NALCN: variants seen among roughly 807,000 people sequenced by gnomAD.
The protein encoded by NALCN is sodium leak channel NALCN.
In NALCN, 111 loss-of-function variants were observed where a neutral mutation model predicts 225.3. The ratio of observed to expected loss-of-function variants is 0.49; its 90% CI spans 0.42 to 0.58. The LOEUF (loss-of-function observed/expected upper bound fraction) is 0.58. NALCN is among the 20% of genes least tolerant of loss of function. The pLI is 0.00. For synonymous variants in NALCN, 764 were observed against 769.0 expected (o/e 0.99, Z 0.11); for missense variants, 1,378 against 2,202.4 (o/e 0.63, Z 7.49).
chr13:101,410,452 A>C lies in NALCN; in HGVS notation c.-40+5861T>G, dbSNP rs529718292. ...TCTGAGACAAAAATTTTGATTTATA[A>C]TTGTATGTATATACAGTATATTCTA... On this transcript the variant is annotated intron_variant, in intron 1 of 43. Transcript: ENST00000251127. Among the ~76,000 whole-genome samples, 50 of 152,264 alleles carry C rather than the reference A, an allele frequency of 3.3e-4. 1 individual carries two copies. Among genetic ancestry groups the C allele is most frequent in the Non-Finnish European group, 2.9e-5 (2 of 67,962 alleles).
intron 13 of NALCN, among the ~76,000 whole-genome samples, chr13:101,223,815 G>T (rs1401019521): frequency 6.6e-6 from 1 of 152,032 alleles, no homozygotes; most frequent in Non-Finnish European, 1.5e-5. Context: ...CCACCTCAGG[G>T]TCAAGCCCCA....
Position 101,410,154 on chromosome 13 carries a change from G to C in NALCN, c.-40+6159C>G, listed in dbSNP as rs1043050958. On this transcript the variant is annotated intron_variant, in intron 1 of 43. Transcript: ENST00000251127. ...CTAGTCTGTGCTATTTGTTACAGCA[G>C]CCCAAGCTAACTAAGACACTCAAGC... 5.3e-5 allele frequency among the ~76,000 whole-genome samples: 8 copies of C among 152,200 alleles called. No homozygotes were observed. In the East Asian group the frequency reaches 1.3e-3, roughly 26 times the overall value.
chr13:101,290,675 C>T (rs557635449), intron 9 of NALCN, among the ~76,000 whole-genome samples: 17 of 152,160 alleles, frequency 1.1e-4, no homozygotes, highest in Non-Finnish European at 2.1e-4. Flanking sequence ...TGCCTCAACA[C>T]CACCAGGCTT....
intron 33 of NALCN, among the ~76,000 whole-genome samples, chr13:101,081,909 G>A (rs755113658): frequency 1.8e-4 from 27 of 152,066 alleles, no homozygotes; most frequent in Non-Finnish European, 2.5e-4. Context: ...ACTGAGTCTC[G>A]CTCTGTCACC....
rs1007293034 is a variant in NALCN at position 101,054,796 on chromosome 13, A to G, written c.*499T>C. 2 of 152,316 alleles carry G rather than the reference A, an allele frequency of 1.3e-5. No individual in the cohort carries two copies. Among genetic ancestry groups the G allele is most frequent in the African/African-American group, 4.8e-5 (2 of 41,370 alleles). 9.4% of individuals were successfully genotyped at this position (152,316 alleles called of 1,614,324 possible). ...AGAATCTGTAGTTTGTAAAACTACT[A>G]TCATTTTAGCATAAGTTCAGTGCTG... is the stretch of plus-strand genomic sequence containing the variant. On this transcript the variant is annotated 3_prime_UTR_variant, in exon 44 of 44. Transcript: ENST00000251127.
chr13:101,161,889 AAAACAAATGGTAAAT>A (rs1272920429), intron 15 of NALCN, among the ~76,000 whole-genome samples: 1 of 151,990 alleles, frequency 6.6e-6, no homozygotes, highest in Non-Finnish European at 1.5e-5. Flanking sequence ...AAACAAACAA[AAAACAAATGGTAAAT>A]GACCTTACCG....
At chr13:101,245,714 AC>A (rs776781595) in intron 11 of NALCN, among the ~76,000 whole-genome samples, 106 of 136,970 alleles carry the variant, frequency 7.7e-4, no homozygotes, top group Non-Finnish European at 1.6e-3. Flanking sequence ...TCCATTTCAC[AC>A]TGACTTCTTA....
At chr13:101,322,691 A>T (rs1293688088) in intron 7 of NALCN, among the ~76,000 whole-genome samples, 1 of 152,092 alleles carries the variant, frequency 6.6e-6, no homozygotes, top group Admixed American at 6.6e-5. Flanking sequence ...AATTTAATTT[A>T]AAAATCTCTA....
intron 37 of NALCN, among the ~76,000 whole-genome samples, chr13:101,072,461 T>C (rs625331): frequency 0.27 from 40,951 of 152,170 alleles, 8,487 homozygotes; most frequent in African/African-American, 0.58. Flanking sequence ...CTCTATAAAA[T>C]GCCGACACCT....
chr13:101,372,465 A>G (rs2065988), intron 6 of NALCN, among the ~76,000 whole-genome samples: 261 of 152,270 alleles, frequency 1.7e-3, no homozygotes, highest in African/African-American at 6.0e-3. Context: ...AATGATTCCT[A>G]ATGAATTTCA....
chr13:101,151,102 T>C (rs1472921602), intron 15 of NALCN, among the ~76,000 whole-genome samples: 1 of 152,204 alleles, frequency 6.6e-6, no homozygotes, highest in East Asian at 1.9e-4. Context: ...GCTTTAAAAC[T>C]AGAAGTCGTC....
chr13:101,101,292 T>TTC (rs2034807140), intron 26 of NALCN, among the ~76,000 whole-genome samples: 2 of 144,104 alleles, frequency 1.4e-5, no homozygotes, highest in African/African-American at 5.1e-5. Flanking sequence ...TTTTTTTTTT[T>TTC]TTTTTTGAGA....
At chr13:101,344,920 T>A (rs1191661986) in intron 7 of NALCN, among the ~76,000 whole-genome samples, 1 of 152,200 alleles carries the variant, frequency 6.6e-6, no homozygotes, top group Non-Finnish European at 1.5e-5. Context: ...TAGTTACATA[T>A]GAAAGGAAAC....
intron 2 of NALCN, among the ~76,000 whole-genome samples, chr13:101,396,807 G>A (rs1333406066): frequency 1.3e-5 from 2 of 151,858 alleles, no homozygotes; most frequent in Admixed American, 1.3e-4. Flanking sequence ...TAATTTTAAT[G>A]AAGAATTATT....
At chr13:101,163,546 G>A (rs1297006456) in intron 15 of NALCN, among the ~76,000 whole-genome samples, 1 of 152,060 alleles carries the variant, frequency 6.6e-6, no homozygotes, top group Non-Finnish European at 1.5e-5. Context: ...ACTATGATGG[G>A]GTTTGATTCC....
At chr13:101,186,405 G>A (rs1219318311) in intron 14 of NALCN, among the ~76,000 whole-genome samples, 2 of 152,148 alleles carry the variant, frequency 1.3e-5, no homozygotes, top group Non-Finnish European at 2.9e-5. Context: ...TGGTAGTAGA[G>A]GTTCAGTAAA....
chr13:101,328,540 C>T (rs493787), intron 7 of NALCN, among the ~76,000 whole-genome samples: 152,054 of 152,292 alleles, frequency 1, 75,909 homozygotes, highest in East Asian at 1. Context: ...TAAAAGGAGG[C>T]AATCTAAATC....
At chr13:101,218,300 C>T (rs2040815703) in intron 13 of NALCN, among the ~76,000 whole-genome samples, 1 of 152,066 alleles carries the variant, frequency 6.6e-6, no homozygotes, top group Non-Finnish European at 1.5e-5. Context: ...AAAAAAGCTC[C>T]ACAAACCTGG....
chr13:101,089,705 G>C lies in NALCN; in HGVS notation c.3447C>G (p.Thr1149=). Residue 1149 remains threonine (T), a synonymous_variant, in exon 30 of 44, where the codon ACC becomes ACG. Transcript: ENST00000251127. The surrounding 1 kb of genome is among the most constrained non-coding windows in gnomAD (Gnocchi z 4.7). ...FVFLGCMIGL[T]LFVGVVIANF... ...TAGCAATAACTACTCCAACAAAAAG[G>C]GTCAGTCCAATCATGCAACCCAGGA... The C allele has an allele frequency of 6.2e-7, 1 of 1,613,954 alleles. No homozygotes were observed.
Sources: gnomAD v4.1 joint callset for allele counts (sites outside exome capture counted in the v4.1 genomes callset) on GRCh38, gnomAD v4.1.1 for gene constraint, Gnocchi (gnomAD v3.1) non-coding constraint, MANE v1.5 for transcripts, NCBI Gene and HGNC (gene_info 2026-07-23, HGNC 2026-07-21) for gene names.